Variants in ODR4 observed in about 807,000 individuals in gnomAD.
The protein encoded by ODR4 is odr-4 GPCR localization factor homolog.
ODR4 carries 47 observed loss-of-function variants against 60.2 expected under a neutral mutation model. The observed-to-expected ratio is 0.78, with a 90% CI of 0.62 to 1.00. The LOEUF is 1.00. ODR4 is among the 50% of genes least tolerant of loss of function. The probability of loss-of-function intolerance (pLI) is 0.00; values close to 1 mark genes in which losing one functional copy is unlikely to be tolerated. For synonymous variants in ODR4, 178 were observed against 175.5 expected (o/e 1.01, Z -0.11); for missense variants, 488 against 530.8 (o/e 0.92, Z 0.79).
At position 186,375,991 on chromosome 1, in the gene ODR4, GTAGTGTGTGT is replaced by G. The variant is rs1659739697; in HGVS notation, c.-20+18_-20+27del. 3 of 122,524 alleles carry G rather than the reference GTAGTGTGTGT, an allele frequency of 2.4e-5. No individual in the cohort carries two copies. Among genetic ancestry groups the G allele is most frequent in the Admixed American group, 8.5e-5 (1 of 11,752 alleles). 7.6% of individuals were successfully genotyped at this position (122,524 alleles called of 1,614,324 possible). A position where few individuals can be genotyped will look rare whatever the true frequency, so the allele number is the denominator to read the frequency against. On this transcript the variant is annotated intron_variant, in intron 1 of 13. Coordinates refer to ENST00000287859, the MANE Select transcript of ODR4 (RefSeq NM_017847.6). ...TGAAAACAGGTAAGTCAGCCTAAGT[GTAGTGTGTGT>G]GTGTGTGTGTGTGTGTGTGTGCTCT...
At chr1:186,418,189 T>A (rs1319881779) in intron 13 of ODR4, among the ~76,000 whole-genome samples, 1 of 152,196 alleles carries the variant, frequency 6.6e-6, no homozygotes, top group Non-Finnish European at 1.5e-5. Context: ...AAGATTTAAT[T>A]GTAGTTCTTG....
chr1:186,422,651 T>C (rs1298826280), downstream of ODR4, among the ~76,000 whole-genome samples: 3 of 152,156 alleles, frequency 2.0e-5, no homozygotes, highest in Admixed American at 2.0e-4. Context: ...TGTTTAGATC[T>C]TCACAGAGGA....
chr1:186,392,791 T>A (rs1660517745), intron 8 of ODR4, among the ~76,000 whole-genome samples: 2 of 152,098 alleles, frequency 1.3e-5, no homozygotes, highest in South Asian at 4.1e-4. Context: ...TCACTTGAGG[T>A]CAGGAGTTCA....
chr1:186,427,619 C>G, the ODR4 span, among the ~76,000 whole-genome samples: 4 of 152,210 alleles, frequency 2.6e-5, no homozygotes, highest in South Asian at 2.1e-4. Flanking sequence ...ATATTTTCAC[C>G]TGCTTCCATG....
intron 5 of ODR4, among the ~76,000 whole-genome samples, chr1:186,388,970 C>T (rs942291723): frequency 5.9e-5 from 9 of 152,106 alleles, no homozygotes; most frequent in African/African-American, 1.2e-4. Flanking sequence ...TATAGGACAT[C>T]GGAGAAATTC....
chr1:186,411,222 G>C (rs1661371122), intron 12 of ODR4, among the ~76,000 whole-genome samples: 1 of 152,074 alleles, frequency 6.6e-6, no homozygotes, highest in Non-Finnish European at 1.5e-5. Flanking sequence ...TGTACTGCAA[G>C]TATTTCAGAA....
At chr1:186,405,741 G>A (rs1206439028) in intron 11 of ODR4, among the ~76,000 whole-genome samples, 4 of 151,862 alleles carry the variant, frequency 2.6e-5, no homozygotes, top group Non-Finnish European at 5.9e-5. Context: ...TAGTAGAAAC[G>A]GGGTTTCACC....
chr1:186,390,940 C>A, intron 7 of ODR4, 89 bp downstream of exon 7: 1 of 1,289,916 alleles, frequency 7.8e-7, no homozygotes, highest in South Asian at 1.4e-5. Flanking sequence ...TTTTACAATC[C>A]TCAAAAATTA....
At chr1:186,398,593 T>G (rs1210507310) in intron 10 of ODR4, among the ~76,000 whole-genome samples, 152 bp downstream of exon 10, 3 of 152,198 alleles carry the variant, frequency 2.0e-5, no homozygotes, top group Non-Finnish European at 4.4e-5. Context: ...ATATAATTGG[T>G]GTGAAGATTT....
At chr1:186,423,443 C>CTTTTTTT (rs34515188), downstream of ODR4, among the ~76,000 whole-genome samples, 10 of 44,738 alleles carry the variant, frequency 2.2e-4, 4 homozygotes, top group Non-Finnish European at 2.5e-4. Context: ...ACTACTTGTG[C>CTTTTTTT]TTTTTTTTTT....
rs1558071189 is a variant in ODR4 at position 186,391,810 on chromosome 1, A to G, written c.711+19A>G. ...AGGACAGGTAAGTTAAGAGAAAATC[A>G]TCTTATTAAATTGTTAGTGCTTAAG... On this transcript the variant is annotated intron_variant, in intron 8 of 13. Coordinates refer to ENST00000287859, the MANE Select transcript of ODR4 (RefSeq NM_017847.6). 2.8e-6 allele frequency: 4 copies of G among 1,430,264 alleles called. No homozygotes were observed. Among genetic ancestry groups the G allele is most frequent in the Non-Finnish European group, 2.9e-6 (3 of 1,026,354 alleles). 88.6% of individuals were successfully genotyped at this position (1,430,264 alleles called of 1,614,324 possible). A position where few individuals can be genotyped will look rare whatever the true frequency, so the allele number is the denominator to read the frequency against.
At chr1:186,382,662 A>C (rs1173410712) in intron 2 of ODR4, among the ~76,000 whole-genome samples, 3 of 152,226 alleles carry the variant, frequency 2.0e-5, no homozygotes, top group Non-Finnish European at 4.4e-5. Context: ...AACTTATAAA[A>C]CAAATATAAC....
intron 2 of ODR4, among the ~76,000 whole-genome samples, chr1:186,381,435 C>G (rs1343001082): frequency 6.6e-6 from 1 of 151,870 alleles, no homozygotes; most frequent in African/African-American, 2.4e-5. Flanking sequence ...TCACGCCATT[C>G]TCCTGCCTCA....
intron 11 of ODR4, chr1:186,401,181 A>T: frequency 2.5e-6 from 4 of 1,584,328 alleles, no homozygotes; most frequent in Non-Finnish European, 3.4e-6. Flanking sequence ...AGTACTTTGA[A>T]ATTTTTGCTG....
intron 9 of ODR4, among the ~76,000 whole-genome samples, chr1:186,397,132 T>C (rs1250110857): frequency 6.6e-6 from 1 of 152,182 alleles, no homozygotes; most frequent in Non-Finnish European, 1.5e-5. Context: ...TTAAATTGTT[T>C]AACAACACCT....
In ODR4 at chr1:186,375,956, G is replaced by C. The variant is rs1474899122; in HGVS notation, c.-38G>C. On this transcript the variant is annotated 5_prime_UTR_variant, in exon 1 of 14. Transcript: ENST00000287859. ...CGTCCGAGGTAATTGTCTGCCACGA[G>C]TGCACATTCTGAAAACAGGTAAGTC... The C allele has an allele frequency of 4.7e-6, 1 of 213,278 alleles. No homozygotes were observed. Among genetic ancestry groups the C allele is most frequent in the East Asian group, 1.0e-4 (1 of 9,566 alleles). The allele number at this position is 213,278 out of a possible 1,614,324, so 13.2% of individuals were successfully genotyped here.
chr1:186,395,330 T>C (rs1029571823), intron 9 of ODR4, among the ~76,000 whole-genome samples: 1 of 152,138 alleles, frequency 6.6e-6, no homozygotes, highest in Non-Finnish European at 1.5e-5. Flanking sequence ...CCTGACCATA[T>C]GATCCGCCTG....
At chr1:186,417,940 T>C (rs1230779703) in intron 13 of ODR4, among the ~76,000 whole-genome samples, 1 of 152,202 alleles carries the variant, frequency 6.6e-6, no homozygotes, top group East Asian at 1.9e-4. Context: ...GGGCTAATGT[T>C]TTACAAACGG....
At chr1:186,413,303 G>A (rs1661440955) in intron 12 of ODR4, among the ~76,000 whole-genome samples, 1 of 151,852 alleles carries the variant, frequency 6.6e-6, no homozygotes, top group Admixed American at 6.6e-5. Flanking sequence ...AATCATTTCA[G>A]GTAAAGGATG....
Sources: allele counts gnomAD v4.1 joint callset (sites outside exome capture counted in the v4.1 genomes callset), GRCh38; gene constraint gnomAD v4.1.1; transcripts MANE v1.5; gene names NCBI Gene and HGNC (gene_info 2026-07-23, HGNC 2026-07-21).